Variants in SNX14 observed in about 807,000 individuals in gnomAD.
The protein encoded by SNX14 is sorting nexin 14.
In SNX14, 93 loss-of-function variants were observed where a neutral mutation model predicts 133.8. That is an observed-to-expected ratio of 0.70 (90% CI 0.59 to 0.83). SNX14 has a LOEUF of 0.83. Among genes scored for constraint, SNX14 ranks in the 40% least tolerant of loss-of-function variants. SNX14 has a pLI of 0.00. For synonymous variants in SNX14, 368 were observed against 365.6 expected (o/e 1.01, Z -0.07); for missense variants, 945 against 1,094.9 (o/e 0.86, Z 1.93).
At chr6:85,511,228 A>T (rs1469362719) in intron 26 of SNX14, among the ~76,000 whole-genome samples, 1 of 152,198 alleles carries the variant, frequency 6.6e-6, no homozygotes, top group Non-Finnish European at 1.5e-5. Flanking sequence ...CACTGATGAT[A>T]TACACGAAAA....
chr6:85,544,327 C>T (rs1784803941), intron 12 of SNX14, among the ~76,000 whole-genome samples: 1 of 149,230 alleles, frequency 6.7e-6, no homozygotes, highest in Admixed American at 6.7e-5. Context: ...ATCATTCAAA[C>T]TGAAACATAA....
At position 85,533,816 on chromosome 6, in the gene SNX14, C is replaced by T. The variant is rs1370008360; in HGVS notation, c.1609-16G>A. On this transcript the variant is annotated splice_polypyrimidine_tract_variant and intron_variant, in intron 17 of 28. Coordinates refer to ENST00000314673, the MANE Select transcript of SNX14 (RefSeq NM_153816.6). ...CTTCTTCAATCTGGAAAAAAATTAC[C>T]AGGATGAATTTAATATTCCCAATAC... is the stretch of plus-strand genomic sequence containing the variant. 1.2e-6 allele frequency: 2 copies of T among 1,602,346 alleles called. No individual in the cohort carries two copies. The highest frequency in any genetic ancestry group is 1.1e-5 in the South Asian group (1 of 90,050).
rs998208861 is a variant in SNX14, at chr6:85,530,889, C to T, written c.1811-614G>A. ...AATTATGATTATTTTTAAAATATCA[C>T]CAAAATGATGTATTTCATAAGTTTT... On this transcript the variant is annotated intron_variant, in intron 18 of 28. Transcript: ENST00000314673. Among the ~76,000 whole-genome samples the T allele has an allele frequency of 4.0e-5, 6 of 151,710 alleles. No individual in the cohort carries two copies. In the East Asian group the frequency reaches 9.7e-4, roughly 25 times the overall value.
At chr6:85,506,907 A>T (rs3812137) in intron 28 of SNX14, among the ~76,000 whole-genome samples, 8 of 152,180 alleles carry the variant, frequency 5.3e-5, no homozygotes, top group Non-Finnish European at 1.2e-4. Flanking sequence ...CACAGCATAC[A>T]ATGGTGCAGA....
chr6:85,578,760 A>G (rs926411462), intron 1 of SNX14, among the ~76,000 whole-genome samples: 3 of 152,220 alleles, frequency 2.0e-5, no homozygotes, highest in Non-Finnish European at 4.4e-5. Flanking sequence ...CAGGAGACTG[A>G]AATGTCAAGA....
intron 15 of SNX14, among the ~76,000 whole-genome samples, chr6:85,539,476 C>A (rs1782936248): frequency 6.6e-6 from 1 of 151,950 alleles, no homozygotes; most frequent in South Asian, 2.1e-4. Context: ...TTTAAGTATA[C>A]AATGAAACAG....
At chr6:85,542,584 A>C (rs749419814) in intron 14 of SNX14, among the ~76,000 whole-genome samples, 2 of 151,214 alleles carry the variant, frequency 1.3e-5, no homozygotes, top group Non-Finnish European at 3.0e-5. Context: ...TTAGTAGAGA[A>C]GGGGTTTCAA....
chr6:85,531,479 CTTCT>C (rs1780291404), intron 18 of SNX14, among the ~76,000 whole-genome samples: 1 of 152,160 alleles, frequency 6.6e-6, no homozygotes, highest in South Asian at 2.1e-4. Context: ...CAAAACAACA[CTTCT>C]TTCTATTTAG....
chr6:85,555,750 G>A (rs962105692), intron 7 of SNX14, among the ~76,000 whole-genome samples: 5 of 152,136 alleles, frequency 3.3e-5, no homozygotes, highest in Non-Finnish European at 7.4e-5. Context: ...AGCATTTTGG[G>A]AGGCCAAGGC....
chr6:85,548,084 G>C (rs181755618), intron 9 of SNX14, among the ~76,000 whole-genome samples: 16 of 152,278 alleles, frequency 1.1e-4, no homozygotes, highest in East Asian at 5.8e-4. Flanking sequence ...TGGTTGCCAG[G>C]GGGGGCTGGA....
chr6:85,552,769 C>T (rs1230504602), intron 7 of SNX14, among the ~76,000 whole-genome samples: 1 of 152,198 alleles, frequency 6.6e-6, no homozygotes, highest in East Asian at 1.9e-4. Context: ...GGACTGAACT[C>T]TAACCACCGT....
Position 85,561,052 on chromosome 6 carries a change from G to C in SNX14, c.550-2992C>G, listed in dbSNP as rs564914595. Among the ~76,000 whole-genome samples the C allele has an allele frequency of 4.0e-3, 576 of 143,278 alleles. 6 individuals carry two copies. Among genetic ancestry groups the C allele is most frequent in the Middle Eastern group, 0.028 (7 of 254 alleles). The allele number at this position is 143,278 out of a possible 152,430, so 94.0% of individuals were successfully genotyped here. A position where few individuals can be genotyped will look rare whatever the true frequency, so the allele number is the denominator to read the frequency against. On this transcript the variant is annotated intron_variant, in intron 6 of 28. Transcript: ENST00000314673. The stretch of plus-strand genomic sequence containing the variant: ...CCATCTTAAAAAAAAAAAAAAAAAA[G>C]GCTGGGCACGGTGGCTCACATCTGT...
intron 16 of SNX14, among the ~76,000 whole-genome samples, chr6:85,537,805 C>T (rs1363366373): frequency 1.3e-5 from 2 of 152,072 alleles, no homozygotes; most frequent in Non-Finnish European, 1.5e-5. Context: ...AAAAATTAGC[C>T]GGGCGAGGTG....
chr6:85,541,851 C>T, intron 15 of SNX14, 134 bp downstream of exon 15: 1 of 542,756 alleles, frequency 1.8e-6, no homozygotes, highest in Non-Finnish European at 3.1e-6. Flanking sequence ...TTCTACAATT[C>T]ACTAGTAAAA....
intron 26 of SNX14, among the ~76,000 whole-genome samples, chr6:85,508,661 C>T (rs1028123823): frequency 6.6e-6 from 1 of 152,072 alleles, no homozygotes; most frequent in Non-Finnish European, 1.5e-5. Flanking sequence ...ATCTTACAAA[C>T]CAATCATTTT....
chr6:85,580,871 C>T (rs1442830884), intron 1 of SNX14, among the ~76,000 whole-genome samples: 1 of 152,120 alleles, frequency 6.6e-6, no homozygotes, highest in East Asian at 1.9e-4. Flanking sequence ...GTTTCCAACT[C>T]CTGGTCCTGG....
At chr6:85,593,454 A>ATCCGC in intron 1 of SNX14, 125 bp downstream of exon 1, 1 of 1,386,486 alleles carries the variant, frequency 7.2e-7, no homozygotes, top group Non-Finnish European at 9.5e-7. Context: ...TCCTCTGCGG[A>ATCCGC]GCTCGCTCTC....
At chr6:85,520,462 A>G (rs1776520330) in intron 21 of SNX14, among the ~76,000 whole-genome samples, 1 of 151,290 alleles carries the variant, frequency 6.6e-6, no homozygotes, top group African/African-American at 2.4e-5. Context: ...GGTTCAAGCA[A>G]TTCTCCTGCC....
intron 1 of SNX14, among the ~76,000 whole-genome samples, chr6:85,585,656 A>G (rs1800583860): frequency 6.6e-6 from 1 of 151,464 alleles, no homozygotes; most frequent in Non-Finnish European, 1.5e-5. Flanking sequence ...AAGAGTAAGC[A>G]TTTATCCTAC....
Sources: allele counts gnomAD v4.1 joint callset (sites outside exome capture counted in the v4.1 genomes callset), GRCh38; gene constraint gnomAD v4.1.1; transcripts MANE v1.5; gene names NCBI Gene and HGNC (gene_info 2026-07-23, HGNC 2026-07-21).